PRKAR1B: variants seen among roughly 807,000 people sequenced by gnomAD.
PRKAR1B encodes cAMP-dependent protein kinase type I-beta regulatory subunit.
A neutral mutation model predicts 46.5 loss-of-function variants in PRKAR1B; 22 were observed. The observed-to-expected ratio is 0.47, with a 90% CI of 0.34 to 0.68. The LOEUF (loss-of-function observed/expected upper bound fraction) is 0.68, where lower values mean the gene tolerates loss of function less well. PRKAR1B is among the 30% of genes least tolerant of loss of function. PRKAR1B has a pLI of 0.01. For synonymous variants in PRKAR1B, 259 were observed against 217.7 expected, an observed-to-expected ratio of 1.19 and a Z score of -1.67; for missense variants, 445 against 535.6, an observed-to-expected ratio of 0.83 and a Z score of 1.67.
chr7:697,202 G>T (rs1394820962), intron 2 of PRKAR1B: 1 of 152,150 alleles, frequency 6.6e-6, no homozygotes, highest in Non-Finnish European at 1.5e-5. Context: ...CCGTCCCACA[G>T]AGGGGGATGA....
chr7:601,431 A>G (rs899043158), intron 6 of PRKAR1B, among the ~76,000 whole-genome samples: 4 of 152,234 alleles, frequency 2.6e-5, no homozygotes, highest in Non-Finnish European at 4.4e-5. Flanking sequence ...TAATTATTAT[A>G]ATACATATGC....
Position 644,807 on chromosome 7 carries a change from G to T in PRKAR1B, c.440+32422C>A, listed in dbSNP as rs1784549105. On this transcript the variant is annotated intron_variant, in intron 4 of 10. Transcript: ENST00000537384. The surrounding 1 kb of genome is among the most constrained non-coding windows in gnomAD (Gnocchi z 4.9). ...CCTCCCATAGCCTTCCAGGGAAGCG[G>T]GCCCCAAAGAGGCTGGACCGGGCAG... is the stretch of plus-strand genomic sequence containing the variant. Among the ~76,000 whole-genome samples, 1 of 152,178 alleles carries T rather than the reference G, an allele frequency of 6.6e-6. No homozygotes were observed. Among genetic ancestry groups the T allele is most frequent in the South Asian group, 2.1e-4 (1 of 4,830 alleles).
At chr7:635,184 C>T (rs574428188) in intron 4 of PRKAR1B, among the ~76,000 whole-genome samples, 20 of 152,222 alleles carry the variant, frequency 1.3e-4, no homozygotes, top group African/African-American at 4.8e-4. Context: ...TCCAGCTTCT[C>T]TGGAAAAATC....
chr7:638,942 G>A (rs1384118681), intron 4 of PRKAR1B, among the ~76,000 whole-genome samples: 1 of 144,016 alleles, frequency 6.9e-6, no homozygotes, highest in Non-Finnish European at 1.6e-5. Flanking sequence ...TCCAGATGTG[G>A]TGGTGGGCAC....
At chr7:712,656 G>A (rs1583454285) in intron 1 of PRKAR1B, 2 of 53,942 alleles carry the variant, frequency 3.7e-5, no homozygotes, top group South Asian at 6.9e-4. Flanking sequence ...CCCCGCCCCC[G>A]CCCCATCCCC....
chr7:662,393 C>T (rs530453116), intron 4 of PRKAR1B, among the ~76,000 whole-genome samples: 1 of 140,862 alleles, frequency 7.1e-6, no homozygotes, highest in African/African-American at 2.7e-5. Flanking sequence ...CTCTTCCCTC[C>T]ATGGCACAGG....
At chr7:695,030 CAAA>C (rs924223625) in intron 2 of PRKAR1B, among the ~76,000 whole-genome samples, 2 of 78,540 alleles carry the variant, frequency 2.5e-5, no homozygotes, top group Non-Finnish European at 2.8e-5. Flanking sequence ...GACTCCGTCT[CAAA>C]AAAAAAAAAA....
intron 4 of PRKAR1B, among the ~76,000 whole-genome samples, chr7:622,243 T>G (rs563017167): frequency 1.4e-4 from 22 of 152,174 alleles, no homozygotes; most frequent in Non-Finnish European, 3.1e-4. Flanking sequence ...AAGCTGCACC[T>G]CAGACCCGAG....
chr7:665,338 C>T (rs1383979458), intron 4 of PRKAR1B, among the ~76,000 whole-genome samples: 5 of 152,112 alleles, frequency 3.3e-5, no homozygotes, highest in Admixed American at 6.5e-5. Flanking sequence ...CTGGGTGGCC[C>T]GACGCAGCCT....
chr7:583,981 T>C (rs1205382780), intron 8 of PRKAR1B, among the ~76,000 whole-genome samples: 1 of 151,812 alleles, frequency 6.6e-6, no homozygotes, highest in Non-Finnish European at 1.5e-5. Context: ...CACCCGAAGG[T>C]GAAAGGGCCC....
chr7:615,391 C>T (rs572468172), intron 4 of PRKAR1B, among the ~76,000 whole-genome samples: 67 of 149,268 alleles, frequency 4.5e-4, no homozygotes, highest in Admixed American at 1.1e-3. Flanking sequence ...CGCCACTGCA[C>T]GCCAGCCTGG....
chr7:672,324 G>A (rs1218284848), intron 4 of PRKAR1B, among the ~76,000 whole-genome samples: 4 of 151,728 alleles, frequency 2.6e-5, no homozygotes, highest in East Asian at 2.0e-4. Flanking sequence ...CCTAATTTTT[G>A]TATTTTTAGT....
chr7:584,645 C>G lies in PRKAR1B; in HGVS notation c.709-77G>C, dbSNP rs1030663246. Reference sequence around the variant, plus strand: ...ATCATCCTGACGTTTCCAGATTTCCCCAAATGACTCTCAACTTTTAAATGA... The same window carrying G: ...ATCATCCTGACGTTTCCAGATTTCCGCAAATGACTCTCAACTTTTAAATGA... On this transcript the variant is annotated intron_variant, in intron 7 of 10. Transcript: ENST00000537384. 3 of 1,257,562 alleles carry G rather than the reference C, an allele frequency of 2.4e-6. No homozygotes were observed. In the Admixed American group the frequency reaches 5.7e-5, roughly 24 times the overall value. The allele number at this position is 1,257,562 out of a possible 1,614,324, so 77.9% of individuals were successfully genotyped here.
chr7:716,058 G>A, intron 1 of PRKAR1B, among the ~76,000 whole-genome samples: 1 of 146,188 alleles, frequency 6.8e-6, no homozygotes, highest in Non-Finnish European at 1.5e-5. Context: ...TCTTTTTGTT[G>A]TTGTTTTGAG....
At chr7:603,208 A>G (rs28427450) in intron 6 of PRKAR1B, 17,480 of 152,314 alleles carry the variant, frequency 0.11, 1,401 homozygotes, top group African/African-American at 0.22. Flanking sequence ...AAGAGGGAGA[A>G]GCATTCCACA....
At chr7:553,581 C>G (rs1439234691) in intron 9 of PRKAR1B, among the ~76,000 whole-genome samples, 1 of 152,244 alleles carries the variant, frequency 6.6e-6, no homozygotes, top group Non-Finnish European at 1.5e-5. Flanking sequence ...CCCAGCCGGC[C>G]TGGCAGACGG....
chr7:623,591 G>A (rs1056404558), intron 4 of PRKAR1B, among the ~76,000 whole-genome samples: 1 of 152,226 alleles, frequency 6.6e-6, no homozygotes, highest in Admixed American at 6.5e-5. Flanking sequence ...TGTTAGGTCA[G>A]TGAAGCCAGA....
chr7:707,287 C>T (rs1780379705), intron 2 of PRKAR1B, among the ~76,000 whole-genome samples: 1 of 152,228 alleles, frequency 6.6e-6, no homozygotes. Context: ...CAAAAATCAC[C>T]TGCAATCGTG....
Position 596,416 on chromosome 7 carries a change from G to A in PRKAR1B, c.550-112C>T, listed in dbSNP as rs963261199. The A allele has an allele frequency of 2.2e-4, 288 of 1,322,482 alleles. 1 individual carries two copies. The highest frequency in any genetic ancestry group is 1.7e-4 in the Non-Finnish European group (167 of 977,770). The allele number at this position is 1,322,482 out of a possible 1,614,324, so 81.9% of individuals were successfully genotyped here. A position where few individuals can be genotyped will look rare whatever the true frequency, so the allele number is the denominator to read the frequency against. On this transcript the variant is annotated intron_variant, in intron 6 of 10. Coordinates refer to ENST00000537384, the MANE Select transcript of PRKAR1B (RefSeq NM_001164760.2). ...CTCCAGAAGAGGGTCCCCGCAGGGCGGGGCACAAGCCCTTTCGCTTGTGGG... is the reference window on the plus strand; with the variant it reads ...CTCCAGAAGAGGGTCCCCGCAGGGCAGGGCACAAGCCCTTTCGCTTGTGGG...
Sources: allele counts gnomAD v4.1 joint callset (sites outside exome capture counted in the v4.1 genomes callset), GRCh38; gene constraint gnomAD v4.1.1; non-coding constraint Gnocchi (gnomAD v3.1); transcripts MANE v1.5; gene names NCBI Gene and HGNC (gene_info 2026-07-23, HGNC 2026-07-21).